The following KDM5B variants were observed in gnomAD, a reference collection of about 807,000 sequenced individuals.
KDM5B encodes the protein lysine demethylase 5B, also known as lysine-specific demethylase 5B.
In KDM5B, 144 loss-of-function variants were observed where a neutral mutation model predicts 193.4. That is an observed-to-expected ratio of 0.74 (90% CI 0.65 to 0.86). KDM5B has a LOEUF of 0.86. KDM5B is among the 40% of genes least tolerant of loss of function. The probability of loss-of-function intolerance (pLI) is 0.00; values close to 1 mark genes in which losing one functional copy is unlikely to be tolerated. For synonymous variants in KDM5B, 668 were observed against 682.6 expected (o/e 0.98, Z 0.33); for missense variants, 1,833 against 1,886.9 (o/e 0.97, Z 0.53).
chr1:202,767,087 T>C lies in KDM5B; in HGVS notation c.577-27A>G, dbSNP rs768413115. ...TAGAAATAACAACTGTACTGATAAATTCCCTCCTTTTTTTTTTCACATCAT... is the reference window on the plus strand; with the variant it reads ...TAGAAATAACAACTGTACTGATAAACTCCCTCCTTTTTTTTTTCACATCAT... On this transcript the variant is annotated intron_variant, in intron 4 of 26. Coordinates refer to ENST00000367265, the MANE Select transcript of KDM5B (RefSeq NM_006618.5). The C allele has an allele frequency of 4.4e-6, 7 of 1,604,846 alleles. No homozygotes were observed. The East Asian group carries it at 1.1e-4, about 26-fold the overall frequency.
At chr1:202,796,430 C>A in intron 1 of KDM5B, 1 of 226,110 alleles carries the variant, frequency 4.4e-6, no homozygotes. Flanking sequence ...CCAGCTACCA[C>A]CAACTACTTC....
Position 202,731,753 on chromosome 1 carries a change from C to T in KDM5B, c.4021+75G>A, listed in dbSNP as rs964551118. 12 of 1,087,962 alleles carry T rather than the reference C, an allele frequency of 1.1e-5. No individual in the cohort carries two copies. In the Admixed American group the frequency reaches 2.1e-4, roughly 19 times the overall value. 67.4% of individuals were successfully genotyped at this position (1,087,962 alleles called of 1,614,324 possible). On this transcript the variant is annotated intron_variant, in intron 24 of 26. Transcript: ENST00000367265. ...TAAAGTCCTTTTTATGGTACTTGAT[C>T]ATCTATAATAAAAACCTAGTAATAC... is the stretch of plus-strand genomic sequence containing the variant.
intron 1 of KDM5B, among the ~76,000 whole-genome samples, chr1:202,806,189 A>C (rs1658285583): frequency 6.6e-6 from 1 of 152,220 alleles, no homozygotes; most frequent in Admixed American, 6.5e-5. Context: ...AAAGAACAAG[A>C]AAACAAGATA....
intron 4 of KDM5B, chr1:202,767,341 A>C (rs1013074469): frequency 6.1e-5 from 98 of 1,603,110 alleles, no homozygotes; most frequent in Middle Eastern, 4.5e-4. Context: ...TGAAAATGGC[A>C]AATTCTTCCC....
At position 202,741,568 on chromosome 1, in the gene KDM5B, T is replaced by C; in HGVS notation, c.2744A>G (p.Glu915Gly). Residue 915 changes from glutamate (E) to glycine (G), a missense_variant, in exon 19 of 27, where the codon GAA becomes GGA. By Grantham distance (98) the Glu-to-Gly change is moderately conservative (BLOSUM62 -2). Around this residue, in one of 3 missense-constraint regions of KDM5B, gnomAD observed 1,379 missense variants for 1,349.6 expected, o/e 1.02. Coordinates refer to ENST00000367265, the MANE Select transcript of KDM5B (RefSeq NM_006618.5). ...PQLAEMRIRL[E>G]QARWLEEVQQ... ...CACCTCTTCTAGCCAACGGGCTTGT[T>C]CCAAACGGATACGCATCTCAGCAAG... The C allele has an allele frequency of 6.2e-7, 1 of 1,614,236 alleles. No homozygotes were observed.
At chr1:202,745,084 G>A (rs1246818614) in intron 16 of KDM5B, among the ~76,000 whole-genome samples, 1 of 152,196 alleles carries the variant, frequency 6.6e-6, no homozygotes, top group Non-Finnish European at 1.5e-5. Context: ...CACTTATTAA[G>A]TGGGAGCTAA....
At chr1:202,744,079 CTG>C (rs1655456152) in intron 16 of KDM5B, among the ~76,000 whole-genome samples, 1 of 152,170 alleles carries the variant, frequency 6.6e-6, no homozygotes, top group South Asian at 2.1e-4. Context: ...TACTTGCAAA[CTG>C]TGCATCTGAC....
chr1:202,798,019 G>A (rs34540789), intron 1 of KDM5B, among the ~76,000 whole-genome samples: 29,297 of 152,082 alleles, frequency 0.19, 3,075 homozygotes, highest in Middle Eastern at 0.28. Context: ...GGTGAACCCC[G>A]TCTCTATTAA....
chr1:202,779,038 G>C (rs941797814), intron 1 of KDM5B, among the ~76,000 whole-genome samples: 10 of 152,038 alleles, frequency 6.6e-5, no homozygotes, highest in African/African-American at 1.4e-4. Flanking sequence ...GAGCAAAAAG[G>C]CTCACAATAG....
chr1:202,790,029 C>T (rs1400897172), intron 1 of KDM5B, among the ~76,000 whole-genome samples: 1 of 151,524 alleles, frequency 6.6e-6, no homozygotes, highest in Non-Finnish European at 1.5e-5. Flanking sequence ...TCGAGACCAG[C>T]GAGGCGGGCG....
intron 1 of KDM5B, among the ~76,000 whole-genome samples, chr1:202,791,478 C>T (rs1251310304): frequency 2.6e-5 from 4 of 152,174 alleles, no homozygotes; most frequent in Non-Finnish European, 5.9e-5. Flanking sequence ...AAATTCTCTT[C>T]CTTCCTTGAA....
intron 5 of KDM5B, 119 bp downstream of exon 5, chr1:202,766,807 G>C (rs1465504940): frequency 4.4e-6 from 5 of 1,125,704 alleles, no homozygotes; most frequent in Non-Finnish European, 6.3e-6. Context: ...GCATCCCTTT[G>C]TGAGATTAAC....
At chr1:202,766,438 G>A (rs1055828301) in intron 5 of KDM5B, 4 of 398,232 alleles carry the variant, frequency 1.0e-5, no homozygotes, top group Admixed American at 3.2e-5. Context: ...TCTAGGAGGC[G>A]GAGGTTGCAG....
At chr1:202,769,964 A>G (rs1656645181) in intron 4 of KDM5B, among the ~76,000 whole-genome samples, 1 of 152,216 alleles carries the variant, frequency 6.6e-6, no homozygotes, top group Non-Finnish European at 1.5e-5. Flanking sequence ...AATTGTATTA[A>G]GTGGATGATC....
chr1:202,758,342 C>T (rs1354359556), intron 9 of KDM5B, 49 bp downstream of exon 9: 2 of 1,503,466 alleles, frequency 1.3e-6, no homozygotes, highest in Non-Finnish European at 1.8e-6. Flanking sequence ...GTACACTTTT[C>T]TCCAAAAGCT....
chr1:202,740,652 G>C, intron 20 of KDM5B, 22 bp downstream of exon 20: 1 of 1,607,054 alleles, frequency 6.2e-7, no homozygotes, highest in African/African-American at 1.3e-5. Context: ...TACACATTCT[G>C]TATATACTTT....
chr1:202,753,449 C>A (rs1655876183), intron 11 of KDM5B, among the ~76,000 whole-genome samples: 1 of 152,040 alleles, frequency 6.6e-6, no homozygotes, highest in Admixed American at 6.6e-5. Flanking sequence ...GAGCAGAGAT[C>A]ACACCATTGC....
intron 1 of KDM5B, among the ~76,000 whole-genome samples, chr1:202,789,729 C>T (rs1657567201): frequency 6.7e-6 from 1 of 150,060 alleles, no homozygotes; most frequent in Non-Finnish European, 1.5e-5. Context: ...CCTGTAGTTC[C>T]ACCTACCTGG....
At chr1:202,804,793 T>C (rs1052674250) in intron 1 of KDM5B, among the ~76,000 whole-genome samples, 1 of 147,082 alleles carries the variant, frequency 6.8e-6, no homozygotes, top group African/African-American at 2.5e-5. Context: ...ATGGATCACC[T>C]GAGGTCGGGA....
Sources: gnomAD v4.1 joint callset for allele counts (sites outside exome capture counted in the v4.1 genomes callset) on GRCh38, gnomAD v4.1.1 for gene constraint, gnomAD v4.1.1 regional missense constraint, MANE v1.5 for transcripts, NCBI Gene and HGNC (gene_info 2026-07-23, HGNC 2026-07-21) for gene names.